Variants in TMEM132B observed in about 807,000 individuals in gnomAD.
TMEM132B encodes transmembrane protein 132B.
A neutral mutation model predicts 90.8 loss-of-function variants in TMEM132B; 18 were observed. The ratio of observed to expected loss-of-function variants is 0.20; its 90% CI spans 0.14 to 0.29. TMEM132B has a LOEUF of 0.29. TMEM132B is among the 10% of genes least tolerant of loss of function. The pLI, the probability that TMEM132B is intolerant of heterozygous loss-of-function variation, is 1.00. For synonymous variants in TMEM132B, 504 were observed against 523.3 expected (o/e 0.96, Z 0.50); for missense variants, 1,096 against 1,326.8 (o/e 0.83, Z 2.70).
chr12:125,326,091 C>T (rs2136195941), intron 1 of TMEM132B, among the ~76,000 whole-genome samples: 1 of 152,300 alleles, frequency 6.6e-6, no homozygotes, highest in South Asian at 2.1e-4. Flanking sequence ...GAGGGGGACA[C>T]CCCAGGGAGC....
intron 1 of TMEM132B, among the ~76,000 whole-genome samples, chr12:125,225,265 G>A (rs1593047288): frequency 6.6e-6 from 1 of 152,216 alleles, no homozygotes; most frequent in South Asian, 2.1e-4. Flanking sequence ...AGGGTGAGAG[G>A]TTACTGGCCA....
intron 3 of TMEM132B, among the ~76,000 whole-genome samples, chr12:125,515,141 C>T (rs1883078470): frequency 6.6e-6 from 1 of 151,944 alleles, no homozygotes; most frequent in South Asian, 2.1e-4. Flanking sequence ...GACACACTCA[C>T]ACAAACACAT....
At chr12:125,241,268 G>A (rs1343443159) in intron 1 of TMEM132B, among the ~76,000 whole-genome samples, 3 of 152,168 alleles carry the variant, frequency 2.0e-5, no homozygotes, top group African/African-American at 7.2e-5. Flanking sequence ...TGAGGTCATG[G>A]TGAGCGTAAA....
Position 125,612,748 on chromosome 12 carries a change from C to T in TMEM132B, c.1437+28754C>T, listed in dbSNP as rs182591915. The stretch of plus-strand genomic sequence containing the variant: ...GTTGTTATTTGGATGATACATGTCC[C>T]TCTGTCCTTTTCCTTTCAATCTAAT... On this transcript the variant is annotated intron_variant, in intron 5 of 8. Transcript: ENST00000682704. Among the ~76,000 whole-genome samples, 831 of 139,938 alleles carry T rather than the reference C, an allele frequency of 5.9e-3. 10 individuals carry two copies. Among genetic ancestry groups the T allele is most frequent in the African/African-American group, 0.02 (760 of 38,636 alleles). 91.8% of individuals were successfully genotyped at this position (139,938 alleles called of 152,430 possible). A position where few individuals can be genotyped will look rare whatever the true frequency, so the allele number is the denominator to read the frequency against.
intron 1 of TMEM132B, among the ~76,000 whole-genome samples, chr12:125,317,736 G>T (rs1378952356): frequency 2.0e-5 from 3 of 152,158 alleles, no homozygotes; most frequent in African/African-American, 7.2e-5. Context: ...GGGGTGGCCA[G>T]TGTGACTTTG....
At position 125,309,227 on chromosome 12, in the gene TMEM132B, A is replaced by G. The variant is rs371935297; in HGVS notation, c.68-40225A>G. Among the ~76,000 whole-genome samples, 23 of 152,360 alleles carry G rather than the reference A, an allele frequency of 1.5e-4. No individual in the cohort carries two copies. The East Asian group carries it at 4.2e-3, about 28-fold the overall frequency. On this transcript the variant is annotated intron_variant, in intron 1 of 8. Transcript: ENST00000682704. ...GCTTCAATTTTATATGCTATTTGGA[A>G]TAAGATGCTCTTTATCTTTTCATAG...
At chr12:125,393,044 C>A (rs1879072319) in intron 2 of TMEM132B, among the ~76,000 whole-genome samples, 1 of 152,194 alleles carries the variant, frequency 6.6e-6, no homozygotes, top group Non-Finnish European at 1.5e-5. Context: ...CCGTTTGCGA[C>A]TAGAAGCCAT....
intron 3 of TMEM132B, among the ~76,000 whole-genome samples, chr12:125,502,530 T>C (rs35353139): frequency 0.022 from 3,330 of 152,270 alleles, 53 homozygotes; most frequent in Non-Finnish European, 0.035. Flanking sequence ...AATGGGTTGG[T>C]TGAAACTAGT....
At chr12:125,290,898 C>G (rs544735446) in intron 1 of TMEM132B, among the ~76,000 whole-genome samples, 37 of 152,214 alleles carry the variant, frequency 2.4e-4, no homozygotes, top group Non-Finnish European at 4.4e-4. Context: ...TCTCCAGGAC[C>G]GTGGATATGA....
intron 1 of TMEM132B, among the ~76,000 whole-genome samples, chr12:125,205,759 T>C (rs1873168621): frequency 6.6e-6 from 1 of 152,222 alleles, no homozygotes; most frequent in African/African-American, 2.4e-5. Flanking sequence ...GTATGGCCTT[T>C]TATGACCCAG....
intron 3 of TMEM132B, among the ~76,000 whole-genome samples, chr12:125,453,497 T>C (rs959287406): frequency 6.6e-6 from 1 of 152,218 alleles, no homozygotes; most frequent in Non-Finnish European, 1.5e-5. Context: ...ATTTATAATA[T>C]TATCATGATG....
At chr12:125,284,155 T>G (rs1226325900) in intron 1 of TMEM132B, among the ~76,000 whole-genome samples, 1 of 152,206 alleles carries the variant, frequency 6.6e-6, no homozygotes, top group Non-Finnish European at 1.5e-5. Context: ...ATTATTTGTT[T>G]AGTGAATTTT....
At chr12:125,611,775 G>C (rs1287946755) in intron 5 of TMEM132B, among the ~76,000 whole-genome samples, 1 of 152,054 alleles carries the variant, frequency 6.6e-6, no homozygotes, top group Non-Finnish European at 1.5e-5. Context: ...AACATTATTG[G>C]TATGATTTTA....
At chr12:125,496,690 AT>A in intron 3 of TMEM132B, among the ~76,000 whole-genome samples, 1 of 152,316 alleles carries the variant, frequency 6.6e-6, no homozygotes, top group Non-Finnish European at 1.5e-5. Flanking sequence ...GCACTGCTGC[AT>A]TCTCTCTGGC....
chr12:125,298,859 G>A (rs899505553), intron 1 of TMEM132B, among the ~76,000 whole-genome samples: 4 of 150,336 alleles, frequency 2.7e-5, no homozygotes, highest in African/African-American at 7.3e-5. Context: ...TCAGCCTCCC[G>A]AGTAGCTGGG....
intron 2 of TMEM132B, among the ~76,000 whole-genome samples, chr12:125,391,898 C>G (rs1174133612): frequency 6.6e-6 from 1 of 152,108 alleles, no homozygotes; most frequent in Non-Finnish European, 1.5e-5. Context: ...TCCTGAGTAG[C>G]TGGGACTACA....
chr12:125,249,843 C>T (rs1165445088), intron 1 of TMEM132B, among the ~76,000 whole-genome samples: 4 of 152,170 alleles, frequency 2.6e-5, no homozygotes, highest in Non-Finnish European at 1.5e-5. Context: ...TTAGAAGAAA[C>T]AGGTTCAGAG....
At chr12:125,403,431 A>G (rs948939922) in intron 2 of TMEM132B, among the ~76,000 whole-genome samples, 1 of 152,204 alleles carries the variant, frequency 6.6e-6, no homozygotes. Flanking sequence ...TCAGAGCCCA[A>G]ATTCCGCAAA....
intron 4 of TMEM132B, among the ~76,000 whole-genome samples, chr12:125,579,083 G>C (rs1005253719): frequency 6.6e-6 from 1 of 151,898 alleles, no homozygotes; most frequent in African/African-American, 2.4e-5. Context: ...GCTTATGCTG[G>C]TATGCTTGAT....
Sources: gnomAD v4.1 joint callset for allele counts (sites outside exome capture counted in the v4.1 genomes callset) on GRCh38, gnomAD v4.1.1 for gene constraint, MANE v1.5 for transcripts, NCBI Gene and HGNC (gene_info 2026-07-23, HGNC 2026-07-21) for gene names.